Variants in PLPP7 observed in about 807,000 individuals in gnomAD.
The protein encoded by PLPP7 is phospholipid phosphatase 7 (inactive).
PLPP7 carries 11 observed loss-of-function variants against 16.9 expected under a neutral mutation model. The observed-to-expected ratio is 0.65, with a 90% confidence interval of 0.41 to 1.08. PLPP7 has a LOEUF of 1.08. PLPP7 is among the 50% of genes least tolerant of loss of function. The probability of loss-of-function intolerance (pLI) is 0.00; values close to 1 mark genes in which losing one functional copy is unlikely to be tolerated. For missense variants in PLPP7, 358 were observed against 397.1 expected (o/e 0.90, Z 0.84); for synonymous variants, 174 against 175.1 (o/e 0.99, Z 0.05).
intron 1 of PLPP7, among the ~76,000 whole-genome samples, chr9:131,298,443 C>A (rs998230064): frequency 2.6e-5 from 4 of 152,140 alleles, no homozygotes; most frequent in African/African-American, 9.7e-5. Context: ...TCCCAGAAGC[C>A]CCGTCCTTGT....
At chr9:131,291,928 T>C (rs192045445) in intron 1 of PLPP7, among the ~76,000 whole-genome samples, 1 of 152,232 alleles carries the variant, frequency 6.6e-6, no homozygotes, top group Non-Finnish European at 1.5e-5. Flanking sequence ...CAATAACTTA[T>C]GATTTACTCC....
Position 131,308,372 on chromosome 9 carries a change from G to A in PLPP7, c.*85G>A. On this transcript the variant is annotated 3_prime_UTR_variant, in exon 2 of 2. Coordinates refer to ENST00000372264, the MANE Select transcript of PLPP7 (RefSeq NM_032728.4). Reference sequence around the variant, plus strand: ...GGGTGGCGAGGTGGCGGGCGTGGGTGGAACAGAGCGGCCAGGAGTCAGAGC... The same window carrying A: ...GGGTGGCGAGGTGGCGGGCGTGGGTAGAACAGAGCGGCCAGGAGTCAGAGC... 2.1e-6 allele frequency: 3 copies of A among 1,462,052 alleles called. No homozygotes were observed. The highest frequency in any genetic ancestry group is 2.8e-5 in the South Asian group (2 of 71,786). 90.6% of individuals were successfully genotyped at this position (1,462,052 alleles called of 1,614,324 possible).
At position 131,308,392 on chromosome 9, in the gene PLPP7, C is replaced by T. The variant is rs2131222836; in HGVS notation, c.*105C>T. On this transcript the variant is annotated 3_prime_UTR_variant, in exon 2 of 2. Coordinates refer to ENST00000372264, the MANE Select transcript of PLPP7 (RefSeq NM_032728.4). ...TGGGTGGAACAGAGCGGCCAGGAGTCAGAGCGGCCACCCCCACCTCATCTT... is the reference window on the plus strand; with the variant it reads ...TGGGTGGAACAGAGCGGCCAGGAGTTAGAGCGGCCACCCCCACCTCATCTT... The T allele has an allele frequency of 7.0e-7, 1 of 1,433,616 alleles. No homozygotes were observed. The allele number at this position is 1,433,616 out of a possible 1,614,324, so 88.8% of individuals were successfully genotyped here. A position where few individuals can be genotyped will look rare whatever the true frequency, so the allele number is the denominator to read the frequency against.
chr9:131,308,101 G>T lies in PLPP7; in HGVS notation c.630G>T (p.Leu210=). 1 of 1,601,412 alleles carries T rather than the reference G, an allele frequency of 6.2e-7. No individual in the cohort carries two copies. ...AGTTCTTCCTCAGCCACCTGGTGCT[G>T]GCGGTGCCCCTGCGTGTGCTGCTGG... ...VSKFFLSHLV[L]AVPLRVLLVL... is the part of the protein sequence containing the mutation. The change falls in exon 2 of 2, where the codon CTG becomes CTT. Residue 210 remains leucine (L), a synonymous_variant. Coordinates refer to ENST00000372264, the MANE Select transcript of PLPP7 (RefSeq NM_032728.4).
intron 1 of PLPP7, among the ~76,000 whole-genome samples, chr9:131,299,914 G>A (rs904360897): frequency 3.9e-5 from 6 of 152,150 alleles, no homozygotes; most frequent in African/African-American, 9.7e-5. Context: ...TATGGTCCCC[G>A]CAGGGCCCAG....
At chr9:131,299,287 G>A (rs1835769332) in intron 1 of PLPP7, among the ~76,000 whole-genome samples, 1 of 152,204 alleles carries the variant, frequency 6.6e-6, no homozygotes, top group Non-Finnish European at 1.5e-5. Context: ...GCTCCCACCA[G>A]CTCCCCGGCT....
At position 131,294,955 on chromosome 9, in the gene PLPP7, C is replaced by CT. The variant is rs924615370; in HGVS notation, c.451+4517dup. Among the ~76,000 whole-genome samples the CT allele has an allele frequency of 1.9e-4, 28 of 147,582 alleles. No homozygotes were observed. The East Asian group carries it at 3.3e-3, about 17-fold the overall frequency. ...CCACTGTGCTGGCCTATAAAAGTATCTTTTTTTTTTCCTTTGAGACGGAAT... is the reference window on the plus strand; with the variant it reads ...CCACTGTGCTGGCCTATAAAAGTATCTTTTTTTTTTTCCTTTGAGACGGAAT... On this transcript the variant is annotated intron_variant, in intron 1 of 1. Coordinates refer to ENST00000372264, the MANE Select transcript of PLPP7 (RefSeq NM_032728.4).
rs1300222460 is a variant in PLPP7, at chr9:131,295,606, T to C, written c.451+5158T>C. On this transcript the variant is annotated intron_variant, in intron 1 of 1. Transcript: ENST00000372264. This position sits in a 1 kb window ranked among gnomAD's most constrained non-coding sequence, Gnocchi z 4.0. ...CCACCATCCATCTCCAGAACTCTTT[T>C]CATCTTTCATCTTAAAACACAGAAG... Among the ~76,000 whole-genome samples the C allele has an allele frequency of 6.6e-6, 1 of 152,162 alleles. No homozygotes were observed. Among genetic ancestry groups the C allele is most frequent in the East Asian group, 1.9e-4 (1 of 5,202 alleles).
intron 1 of PLPP7, among the ~76,000 whole-genome samples, chr9:131,293,613 C>T (rs1318893350): frequency 2.6e-5 from 4 of 152,328 alleles, no homozygotes; most frequent in Middle Eastern, 3.4e-3. Flanking sequence ...GTCCTTTTGT[C>T]TTTGGAGGGC....
At position 131,308,537 on chromosome 9, in the gene PLPP7, A is replaced by C; in HGVS notation, c.*250A>C. ...CAAGTCTCCTCTCTAGGCAGCCAGG[A>C]CCCACCCATGGGGACAGCCCTATTT... On this transcript the variant is annotated 3_prime_UTR_variant, in exon 2 of 2. Transcript: ENST00000372264. 1.7e-6 allele frequency: 1 copy of C among 595,556 alleles called. No individual in the cohort carries two copies. The highest frequency in any genetic ancestry group is 2.1e-5 in the South Asian group (1 of 47,910). 36.9% of individuals were successfully genotyped at this position (595,556 alleles called of 1,614,324 possible).
chr9:131,300,689 GA>G (rs1165239833), intron 1 of PLPP7, among the ~76,000 whole-genome samples: 3,076 of 40,384 alleles, frequency 0.076, 25 homozygotes, highest in African/African-American at 0.089. Flanking sequence ...CTCAAAAGCA[GA>G]AAAAAAAAAA....
In PLPP7 at chr9:131,295,975, G is replaced by A. The variant is rs1211781010; in HGVS notation, c.451+5527G>A. 6.6e-6 allele frequency among the ~76,000 whole-genome samples: 1 copy of A among 152,168 alleles called. No homozygotes were observed. The highest frequency in any genetic ancestry group is 2.1e-4 in the South Asian group (1 of 4,830). On this transcript the variant is annotated intron_variant, in intron 1 of 1. Transcript: ENST00000372264. The surrounding 1 kb of genome is among the most constrained non-coding windows in gnomAD (Gnocchi z 4.0). ...CGCTGCCGTGCGCACAGGTGTATAT[G>A]CATCTTCTTGAGCCCCTGCTTTCAG... is the stretch of plus-strand genomic sequence containing the variant.
intron 1 of PLPP7, among the ~76,000 whole-genome samples, chr9:131,292,499 G>A (rs1835690262): frequency 6.6e-6 from 1 of 152,216 alleles, no homozygotes; most frequent in African/African-American, 2.4e-5. Flanking sequence ...GAGGCATGGG[G>A]TGACGATGGT....
rs141816152 is a variant in PLPP7 at position 131,291,120 on chromosome 9, G to A, written c.451+672G>A. 1.6e-4 allele frequency: 219 copies of A among 1,366,452 alleles called. 1 individual carries two copies. The African/African-American group carries it at 2.4e-3, about 15-fold the overall frequency. The allele number at this position is 1,366,452 out of a possible 1,614,324, so 84.6% of individuals were successfully genotyped here. The stretch of plus-strand genomic sequence containing the variant: ...CACCAATGTCTTGCAGATTAGCACC[G>A]CCCTGTGCCAGGTGCCACGTGGGGC... On this transcript the variant is annotated intron_variant, in intron 1 of 1. Coordinates refer to ENST00000372264, the MANE Select transcript of PLPP7 (RefSeq NM_032728.4).
In PLPP7 at chr9:131,295,474, A is replaced by G. The variant is rs1465916264; in HGVS notation, c.451+5026A>G. On this transcript the variant is annotated intron_variant, in intron 1 of 1. Transcript: ENST00000372264. The surrounding 1 kb of genome is among the most constrained non-coding windows in gnomAD (Gnocchi z 4.0). ...GCTATGAAAACTACATTTTTATGTC[A>G]TTTTTTATTGTGATAAGCTATACAT... Among the ~76,000 whole-genome samples the G allele has an allele frequency of 6.6e-6, 1 of 152,108 alleles. No homozygotes were observed. Among genetic ancestry groups the G allele is most frequent in the Non-Finnish European group, 1.5e-5 (1 of 68,024 alleles).
chr9:131,308,035 C>T lies in PLPP7; in HGVS notation c.564C>T (p.Ala188=), dbSNP rs1835873692. The T allele has an allele frequency of 1.2e-6, 2 of 1,601,132 alleles. No homozygotes were observed. The highest frequency in any genetic ancestry group is 1.7e-6 in the Non-Finnish European group (2 of 1,179,870). The change falls in exon 2 of 2, where the codon GCC becomes GCT. Residue 188 remains alanine (A), a synonymous_variant. Coordinates refer to ENST00000372264, the MANE Select transcript of PLPP7 (RefSeq NM_032728.4). ...ACTACCTCACCATGGACATCTACGC[C>T]TTCCCGGCCGGGCACGCCAGCCGCG... ...LLDYLTMDIY[A]FPAGHASRAA...
intron 1 of PLPP7, among the ~76,000 whole-genome samples, chr9:131,303,943 G>C (rs1835826409): frequency 6.6e-6 from 1 of 152,184 alleles, no homozygotes; most frequent in South Asian, 2.1e-4. Context: ...CTGCACTGTG[G>C]GTGTTGTCTT....
At chr9:131,307,792 C>T (rs1238599426) in intron 1 of PLPP7, 131 bp from the exon 2 acceptor site, 2 of 941,022 alleles carry the variant, frequency 2.1e-6, no homozygotes, top group African/African-American at 3.3e-5. Context: ...GGGACCCTGC[C>T]TGGGGGTCAG....
At chr9:131,301,797 G>A (rs1479141127) in intron 1 of PLPP7, among the ~76,000 whole-genome samples, 1 of 149,890 alleles carries the variant, frequency 6.7e-6, no homozygotes, top group Non-Finnish European at 1.5e-5. Flanking sequence ...GGCGCTGAGA[G>A]GGGAAGGAAC....
Sources: allele counts gnomAD v4.1 joint callset (sites outside exome capture counted in the v4.1 genomes callset), GRCh38; gene constraint gnomAD v4.1.1; non-coding constraint Gnocchi (gnomAD v3.1); transcripts MANE v1.5; gene names NCBI Gene and HGNC (gene_info 2026-07-23, HGNC 2026-07-21).